The following TLCD3B variants were observed in gnomAD, a reference collection of about 807,000 sequenced individuals.
TLCD3B encodes ceramide synthase.
TLCD3B carries 9 observed loss-of-function variants against 23.0 expected under a neutral mutation model. The ratio of observed to expected loss-of-function variants is 0.39; its 90% CI spans 0.24 to 0.68. TLCD3B has a LOEUF of 0.68. TLCD3B is among the 30% of genes least tolerant of loss of function. TLCD3B has a pLI of 0.44. For missense variants in TLCD3B, 307 were observed against 371.8 expected (o/e 0.83, Z 1.43); for synonymous variants, 161 against 161.0 (o/e 1.00, Z 0.00).
chr16:30,050,441 G>A lies in TLCD3B; in HGVS notation c.-294+2333C>T, dbSNP rs111933435. Among the ~76,000 whole-genome samples, 1,271 of 152,288 alleles carry A rather than the reference G, an allele frequency of 8.3e-3. 7 individuals are homozygous for A. Among genetic ancestry groups the A allele is most frequent in the African/African-American group, 0.029 (1,188 of 41,562 alleles). Reference sequence around the variant, plus strand: ...TGTAGTCTCAGCTACTTGGGAGACTGAGGTGGAAGGATCCCTTGAGCCAGG... The same window carrying A: ...TGTAGTCTCAGCTACTTGGGAGACTAAGGTGGAAGGATCCCTTGAGCCAGG... On this transcript the variant is annotated intron_variant, in intron 1 of 6. Coordinates refer to the TLCD3B transcript ENST00000561666.
In TLCD3B at chr16:30,029,589, G is replaced by A; in HGVS notation, c.126-74C>T. On this transcript the variant is annotated intron_variant, in intron 1 of 4. Coordinates refer to ENST00000380495, the MANE Select transcript of TLCD3B (RefSeq NM_031478.6). This position sits in a 1 kb window ranked among gnomAD's most constrained non-coding sequence, Gnocchi z 4.6. ...GTGCCTTGATTTCTCCTCGTTGCTA[G>A]TCTAACGACTGCGCTTTGCGTTCAG... The A allele has an allele frequency of 7.8e-7, 1 of 1,274,166 alleles. No homozygotes were observed. Among genetic ancestry groups the A allele is most frequent in the Non-Finnish European group, 1.1e-6 (1 of 886,732 alleles). 78.9% of individuals were successfully genotyped at this position (1,274,166 alleles called of 1,614,324 possible).
intron 3 of TLCD3B, among the ~76,000 whole-genome samples, chr16:30,039,931 C>T (rs1210077197): frequency 2.6e-5 from 4 of 151,620 alleles, no homozygotes; most frequent in African/African-American, 7.3e-5. Context: ...GTCAGGAGTT[C>T]GAGACCAGCC....
chr16:30,027,157 A>C, intron 2 of TLCD3B: 7 of 490,462 alleles, frequency 1.4e-5, no homozygotes, highest in African/African-American at 1.9e-5. Flanking sequence ...GTGCCAAAAT[A>C]AGCCCAGGAC....
chr16:30,052,781 C>T (rs2071787889), exon 1 of TLCD3B: 1 of 152,090 alleles, frequency 6.6e-6, no homozygotes, highest in African/African-American at 2.4e-5. Flanking sequence ...TACAATATCC[C>T]TGAGCGGCAG....
chr16:30,030,018 T>A (rs947001086), intron 1 of TLCD3B: 5 of 1,327,002 alleles, frequency 3.8e-6, no homozygotes, highest in Non-Finnish European at 4.0e-6. Context: ...GGGTGTAGAG[T>A]TGTACCATCC....
chr16:30,051,780 C>T (rs1467077055), intron 1 of TLCD3B, among the ~76,000 whole-genome samples: 1 of 152,190 alleles, frequency 6.6e-6, no homozygotes, highest in Non-Finnish European at 1.5e-5. Context: ...AAGCAGCCAC[C>T]TCTGCCTGAG....
At chr16:30,039,608 A>T (rs929444948) in intron 3 of TLCD3B, among the ~76,000 whole-genome samples, 5 of 151,468 alleles carry the variant, frequency 3.3e-5, no homozygotes, top group African/African-American at 9.7e-5. Flanking sequence ...TTTTGTATTT[A>T]AAAAAAAATT....
Position 30,029,959 on chromosome 16 carries a change from G to A in TLCD3B, c.125+444C>T. On this transcript the variant is annotated intron_variant, in intron 1 of 4. Coordinates refer to ENST00000380495, the MANE Select transcript of TLCD3B (RefSeq NM_031478.6). The surrounding 1 kb of genome is among the most constrained non-coding windows in gnomAD (Gnocchi z 4.6). ...CGAGTTCCCCAGTCACTTTCCCACT[G>A]TCTCCTGACTGCCACCAGCCTCCAC... is the stretch of plus-strand genomic sequence containing the variant. 1 of 1,167,472 alleles carries A rather than the reference G, an allele frequency of 8.6e-7. No individual in the cohort carries two copies. Among genetic ancestry groups the A allele is most frequent in the Admixed American group, 2.3e-5 (1 of 43,612 alleles). 72.3% of individuals were successfully genotyped at this position (1,167,472 alleles called of 1,614,324 possible). A position where few individuals can be genotyped will look rare whatever the true frequency, so the allele number is the denominator to read the frequency against.
At position 30,026,528 on chromosome 16, in the gene TLCD3B, G is replaced by A. The variant is rs2071144443; in HGVS notation, c.444+81C>T. 5.8e-5 allele frequency: 74 copies of A among 1,269,942 alleles called. No homozygotes were observed. The South Asian group carries it at 8.9e-4, about 15-fold the overall frequency. The allele number at this position is 1,269,942 out of a possible 1,614,324, so 78.7% of individuals were successfully genotyped here. A position where few individuals can be genotyped will look rare whatever the true frequency, so the allele number is the denominator to read the frequency against. On this transcript the variant is annotated intron_variant, in intron 3 of 4. Coordinates refer to ENST00000380495, the MANE Select transcript of TLCD3B (RefSeq NM_031478.6). ...TTGGTTGTCAGTACGCAGACCCGGG[G>A]CTTCCCAGGCTCCTGCCAGCACCAG... is the stretch of plus-strand genomic sequence containing the variant.
chr16:30,051,223 C>T (rs895784371), intron 1 of TLCD3B, among the ~76,000 whole-genome samples: 1 of 151,752 alleles, frequency 6.6e-6, no homozygotes, highest in African/African-American at 2.4e-5. Context: ...AGTGAGACCC[C>T]ATGTCTACTT....
chr16:30,040,141 A>T (rs2071551413), intron 3 of TLCD3B, among the ~76,000 whole-genome samples: 1 of 102,380 alleles, frequency 9.8e-6, no homozygotes, highest in African/African-American at 3.9e-5. Flanking sequence ...CTCAAAAAAA[A>T]AAAAAAATAT....
At chr16:30,037,984 G>A (rs1465304554) in intron 3 of TLCD3B, among the ~76,000 whole-genome samples, 1 of 152,142 alleles carries the variant, frequency 6.6e-6, no homozygotes, top group African/African-American at 2.4e-5. Context: ...CGTTTAACTT[G>A]GGGAAGGTAT....
Position 30,030,653 on chromosome 16 carries a change from C to A in TLCD3B, c.-126G>T. On this transcript the variant is annotated 5_prime_UTR_variant, in exon 1 of 5. Coordinates refer to ENST00000380495, the MANE Select transcript of TLCD3B (RefSeq NM_031478.6). ...GGAGGGAGAAAACGATGAGAAGGGG[C>A]ACAAAGGGGCCAGGGCGGGGACGGG... is the stretch of plus-strand genomic sequence containing the variant. The A allele has an allele frequency of 8.1e-7, 1 of 1,237,334 alleles. No homozygotes were observed. The highest frequency in any genetic ancestry group is 1.0e-6 in the Non-Finnish European group (1 of 986,460). 76.6% of individuals were successfully genotyped at this position (1,237,334 alleles called of 1,614,324 possible). A position where few individuals can be genotyped will look rare whatever the true frequency, so the allele number is the denominator to read the frequency against.
At chr16:30,048,424 T>A (rs1416044638) in intron 1 of TLCD3B, among the ~76,000 whole-genome samples, 1 of 152,078 alleles carries the variant, frequency 6.6e-6, no homozygotes, top group African/African-American at 2.4e-5. Context: ...TATATTTTAA[T>A]GAGCCTTCAT....
intron 2 of TLCD3B, among the ~76,000 whole-genome samples, chr16:30,044,849 G>T (rs911180543): frequency 6.6e-6 from 1 of 152,016 alleles, no homozygotes; most frequent in African/African-American, 2.4e-5. Flanking sequence ...GGAGGCCGGC[G>T]GGCGGCGGGG....
In TLCD3B at chr16:30,036,402, C is replaced by T. The variant is rs892184046; in HGVS notation, c.-66-188G>A. On this transcript the variant is annotated intron_variant, in intron 3 of 6. Transcript: ENST00000561666. ...ATTTTTGTTTAGAAAGACCTCCCCTCCCATCTACTCTGGGGAGCAGAGGTG... is the reference window on the plus strand; with the variant it reads ...ATTTTTGTTTAGAAAGACCTCCCCTTCCATCTACTCTGGGGAGCAGAGGTG... 6.3e-5 allele frequency: 81 copies of T among 1,284,728 alleles called. No homozygotes were observed. In the African/African-American group the frequency reaches 1.1e-3, roughly 18 times the overall value. 79.6% of individuals were successfully genotyped at this position (1,284,728 alleles called of 1,614,324 possible). A position where few individuals can be genotyped will look rare whatever the true frequency, so the allele number is the denominator to read the frequency against.
chr16:30,043,249 G>C (rs1324421366), intron 2 of TLCD3B, among the ~76,000 whole-genome samples: 4 of 151,960 alleles, frequency 2.6e-5, no homozygotes, highest in African/African-American at 7.3e-5. Context: ...TTTGAGACGG[G>C]GTCTCTCATT....
Position 30,025,651 on chromosome 16 carries a change from G to T in TLCD3B, c.540+75C>A. On this transcript the variant is annotated intron_variant, in intron 4 of 4. Transcript: ENST00000380495. This position sits in a 1 kb window ranked among gnomAD's most constrained non-coding sequence, Gnocchi z 4.1. The stretch of plus-strand genomic sequence containing the variant: ...GGATGACGAAGGGGCTAGAGCCCTT[G>T]GCAGCAACCTTGAAGGTCCCTCCCC... The T allele has an allele frequency of 6.6e-7, 1 of 1,525,748 alleles. No individual in the cohort carries two copies. The highest frequency in any genetic ancestry group is 2.2e-5 in the East Asian group (1 of 44,478). 94.5% of individuals were successfully genotyped at this position (1,525,748 alleles called of 1,614,324 possible).
intron 2 of TLCD3B, among the ~76,000 whole-genome samples, chr16:30,044,250 C>T (rs2071621706): frequency 6.6e-6 from 1 of 151,224 alleles, no homozygotes; most frequent in African/African-American, 2.4e-5. Context: ...GCCTGCCTCA[C>T]ACCTCCCAGA....
Sources: allele counts gnomAD v4.1 joint callset (sites outside exome capture counted in the v4.1 genomes callset), GRCh38; gene constraint gnomAD v4.1.1; non-coding constraint Gnocchi (gnomAD v3.1); transcripts MANE v1.5; gene names NCBI Gene and HGNC (gene_info 2026-07-23, HGNC 2026-07-21).